Variants in ARMH3 observed in about 807,000 individuals in gnomAD.
The protein encoded by ARMH3 is armadillo like helical domain containing 3.
In ARMH3, 60 loss-of-function variants were observed where a neutral mutation model predicts 99.1. The ratio of observed to expected loss-of-function variants is 0.61; its 90% CI spans 0.49 to 0.75. The LOEUF is 0.75. Ranked by LOEUF, ARMH3 falls within the 30% of genes least tolerant of loss-of-function variation. The pLI is 0.00. For synonymous variants in ARMH3, 285 were observed against 292.8 expected (o/e 0.97, Z 0.27); for missense variants, 679 against 843.1 (o/e 0.81, Z 2.41).
chr10:101,994,759 G>A (rs1846975823), intron 16 of ARMH3, among the ~76,000 whole-genome samples: 3 of 152,150 alleles, frequency 2.0e-5, no homozygotes, highest in East Asian at 1.9e-4. Context: ...CTCCACTGCC[G>A]AGCATGGTGG....
At chr10:101,885,182 G>T (rs1021696323) in intron 24 of ARMH3, among the ~76,000 whole-genome samples, 1 of 152,006 alleles carries the variant, frequency 6.6e-6, no homozygotes, top group Non-Finnish European at 1.5e-5. Context: ...TGGAGAAATT[G>T]GGATGTAAAA....
Position 102,023,735 on chromosome 10 carries a change from G to A in ARMH3, c.522C>T (p.Ile174=). ...CATACTCGAGAATAGTGTTCTGGCT[G>A]ATGTTATCTGTCACCTGAATGTAAT... ...LLCLVTVTDN[I]SQNTILEYVM... Residue 174 remains isoleucine, a synonymous_variant, in exon 7 of 26, where the codon ATC becomes ATT. Transcript: ENST00000370033. 6.2e-7 allele frequency: 1 copy of A among 1,614,066 alleles called. No individual in the cohort carries two copies. Among genetic ancestry groups the A allele is most frequent in the South Asian group, 1.1e-5 (1 of 91,062 alleles).
chr10:101,929,158 T>C (rs1284142193), intron 23 of ARMH3, among the ~76,000 whole-genome samples: 1 of 152,238 alleles, frequency 6.6e-6, no homozygotes, highest in African/African-American at 2.4e-5. Flanking sequence ...TTTGACTACA[T>C]TATCTAAGTA....
chr10:101,850,256 C>T (rs2066564111), intron 24 of ARMH3, among the ~76,000 whole-genome samples: 1 of 151,420 alleles, frequency 6.6e-6, no homozygotes, highest in Non-Finnish European at 1.5e-5. Flanking sequence ...CATCACCACA[C>T]CTGGCTGTTT....
At chr10:102,047,539 T>C (rs1223194315) in intron 1 of ARMH3, among the ~76,000 whole-genome samples, 1 of 151,172 alleles carries the variant, frequency 6.6e-6, no homozygotes, top group Non-Finnish European at 1.5e-5. Context: ...CAGGCTGGGG[T>C]GCAGTGGCAT....
At chr10:101,999,380 C>CAGGG (rs1362514998) in intron 15 of ARMH3, among the ~76,000 whole-genome samples, 1 of 151,946 alleles carries the variant, frequency 6.6e-6, no homozygotes, top group Non-Finnish European at 1.5e-5. Context: ...TTAGTAGAGA[C>CAGGG]AGGGTTTCAC....
chr10:101,955,753 G>A (rs1424621096), intron 22 of ARMH3, among the ~76,000 whole-genome samples: 1 of 152,202 alleles, frequency 6.6e-6, no homozygotes, highest in Non-Finnish European at 1.5e-5. Flanking sequence ...GGTGAAGGTG[G>A]TGAAGGAGAC....
At chr10:101,970,879 T>C (rs942619881) in intron 20 of ARMH3, among the ~76,000 whole-genome samples, 2 of 151,686 alleles carry the variant, frequency 1.3e-5, no homozygotes, top group Admixed American at 6.6e-5. Context: ...AAACAGGCCC[T>C]GCCCTCCAGG....
In ARMH3 at chr10:102,056,070, G is replaced by C. The variant is rs888819747; in HGVS notation, c.-12+15C>G. 2 of 152,374 alleles carry C rather than the reference G, an allele frequency of 1.3e-5. No individual in the cohort carries two copies. Among genetic ancestry groups the C allele is most frequent in the African/African-American group, 2.4e-5 (1 of 41,444 alleles). The allele number at this position is 152,374 out of a possible 1,614,324, so 9.4% of individuals were successfully genotyped here. A position where few individuals can be genotyped will look rare whatever the true frequency, so the allele number is the denominator to read the frequency against. On this transcript the variant is annotated intron_variant, in intron 1 of 25. Coordinates refer to ENST00000370033, the MANE Select transcript of ARMH3 (RefSeq NM_024541.3). ...AGGTTCGAGGACCGGGCCGGGCCTG[G>C]CCGCCGCCGCTTACCGAGCCCGCGG...
intron 22 of ARMH3, among the ~76,000 whole-genome samples, chr10:101,945,677 C>T (rs778908128): frequency 2.0e-5 from 3 of 150,826 alleles, no homozygotes; most frequent in Non-Finnish European, 4.4e-5. Flanking sequence ...GAGAGCGTGC[C>T]TGGGTGACAC....
At chr10:102,042,991 G>A (rs1590228670) in intron 1 of ARMH3, among the ~76,000 whole-genome samples, 1 of 152,208 alleles carries the variant, frequency 6.6e-6, no homozygotes, top group Non-Finnish European at 1.5e-5. Flanking sequence ...AGAATCGCTT[G>A]AACCTGGGAG....
At chr10:102,011,907 A>T in intron 10 of ARMH3, 124 bp from the exon 11 acceptor site, 6 of 697,188 alleles carry the variant, frequency 8.6e-6, no homozygotes, top group Non-Finnish European at 1.4e-5. Context: ...CTAAAGCATT[A>T]TGACAATCAA....
At chr10:101,913,835 T>G (rs796765533) in intron 23 of ARMH3, among the ~76,000 whole-genome samples, 39 of 152,312 alleles carry the variant, frequency 2.6e-4, no homozygotes, top group African/African-American at 9.1e-4. Context: ...TAATGGGTGG[T>G]AAGCAGTGGT....
At chr10:101,921,262 T>C (rs1365477535) in intron 23 of ARMH3, among the ~76,000 whole-genome samples, 1 of 152,204 alleles carries the variant, frequency 6.6e-6, no homozygotes, top group African/African-American at 2.4e-5. Flanking sequence ...GCACACTATA[T>C]GACTCTGTTC....
intron 23 of ARMH3, among the ~76,000 whole-genome samples, chr10:101,910,596 G>T (rs1014027846): frequency 1.1e-4 from 17 of 152,004 alleles, no homozygotes; most frequent in African/African-American, 3.1e-4. Flanking sequence ...CAGCCATGGT[G>T]GCACACACAA....
intron 2 of ARMH3, among the ~76,000 whole-genome samples, chr10:102,036,195 T>A (rs1202727860): frequency 7.6e-6 from 1 of 131,398 alleles, no homozygotes; most frequent in Admixed American, 7.4e-5. Flanking sequence ...AGCCGCCCCG[T>A]CCGGGAGGGA....
chr10:102,012,739 G>C (rs759698588), intron 10 of ARMH3, 94 bp downstream of exon 10: 5 of 1,220,574 alleles, frequency 4.1e-6, no homozygotes, highest in Non-Finnish European at 5.8e-6. Flanking sequence ...TCTTAGACTA[G>C]GTAAGGGAAT....
chr10:101,966,155 TG>T (rs1845529174), intron 20 of ARMH3, among the ~76,000 whole-genome samples: 1 of 146,414 alleles, frequency 6.8e-6, no homozygotes, highest in Non-Finnish European at 1.5e-5. Context: ...CAGGCTGGAG[TG>T]GTGCAGTGGT....
chr10:101,951,635 G>C (rs1320182525), intron 22 of ARMH3, among the ~76,000 whole-genome samples: 1 of 152,098 alleles, frequency 6.6e-6, no homozygotes. Context: ...GGGAGGCTGA[G>C]GAGGGCAAAT....
Sources: allele counts gnomAD v4.1 joint callset (sites outside exome capture counted in the v4.1 genomes callset), GRCh38; gene constraint gnomAD v4.1.1; transcripts MANE v1.5; gene names NCBI Gene and HGNC (gene_info 2026-07-23, HGNC 2026-07-21).